ABAT: variants seen among roughly 807,000 people sequenced by gnomAD.
ABAT encodes 4-aminobutyrate aminotransferase.
ABAT carries 45 observed loss-of-function variants against 64.6 expected under a neutral mutation model. That is an observed-to-expected ratio of 0.70 (90% CI 0.55 to 0.89). The LOEUF is 0.89. ABAT is among the 40% of genes least tolerant of loss of function. ABAT has a pLI of 0.00. For synonymous variants in ABAT, 297 were observed against 250.5 expected (o/e 1.19, Z -1.75); for missense variants, 633 against 658.4 (o/e 0.96, Z 0.42).
At position 8,772,809 on chromosome 16, in the gene ABAT, A is replaced by T; in HGVS notation, c.846A>T (p.Lys282Asn). The change falls in exon 12 of 16, where the codon AAA (lysine) becomes AAT (asparagine). Residue 282 changes from lysine (K) to asparagine (N), a missense_variant. Lys to Asn is a moderately conservative substitution (Grantham distance 94). Transcript: ENST00000268251. ...EVEDLIVKYRKKKKTVAGIIV... is the reference protein window; with the variant it reads ...EVEDLIVKYRNKKKTVAGIIV... ...AGGATCTGATTGTGAAATATCGGAA[A>T]AAGAAGAAGACGGTGGCCGGGATCA... is the stretch of plus-strand genomic sequence containing the variant. 6.2e-7 allele frequency: 1 copy of T among 1,614,126 alleles called. No homozygotes were observed. The highest frequency in any genetic ancestry group is 8.5e-7 in the Non-Finnish European group (1 of 1,180,026).
intron 2 of ABAT, 114 bp downstream of exon 2, chr16:8,735,923 C>T (rs1479098800): frequency 1.1e-6 from 1 of 878,734 alleles, no homozygotes; most frequent in African/African-American, 1.7e-5. Context: ...GTGAGTGTTT[C>T]TGGGACTGTC....
chr16:8,710,776 GAACT>G (rs1423324017), intron 1 of ABAT, among the ~76,000 whole-genome samples: 1 of 148,862 alleles, frequency 6.7e-6, no homozygotes, highest in African/African-American at 2.5e-5. Flanking sequence ...GCAGGAACTA[GAACT>G]AGGCCTTCTT....
intron 11 of ABAT, among the ~76,000 whole-genome samples, chr16:8,769,578 A>G (rs7206089): frequency 0.32 from 39,401 of 123,792 alleles, 6,641 homozygotes; most frequent in East Asian, 0.46. Flanking sequence ...AAAAAAAAAA[A>G]AGAGAGAGAG....
At chr16:8,726,262 C>CTTTTTTTTTT (rs71152921) in intron 1 of ABAT, among the ~76,000 whole-genome samples, 14 of 120,808 alleles carry the variant, frequency 1.2e-4, no homozygotes, top group Non-Finnish European at 1.7e-4. Context: ...ATGACTAGAT[C>CTTTTTTTTTT]TTTTTTTTTT....
chr16:8,739,146 G>A (rs1259199624), intron 2 of ABAT, among the ~76,000 whole-genome samples: 1 of 152,182 alleles, frequency 6.6e-6, no homozygotes, highest in Admixed American at 6.5e-5. Flanking sequence ...TAAGGATGTG[G>A]CAGTGAAGAA....
intron 14 of ABAT, among the ~76,000 whole-genome samples, chr16:8,777,198 C>T (rs540514080): frequency 1.4e-4 from 21 of 152,276 alleles, no homozygotes; most frequent in Admixed American, 5.9e-4. Flanking sequence ...CCACCGTGCC[C>T]GGCCCTGGTT....
intron 1 of ABAT, among the ~76,000 whole-genome samples, chr16:8,695,941 C>G (rs563912634): frequency 7.9e-5 from 12 of 152,320 alleles, no homozygotes; most frequent in Admixed American, 3.3e-4. Context: ...CTGATTGGGT[C>G]TAAACCAAGT....
At chr16:8,741,365 C>T (rs2059157616) in intron 2 of ABAT, among the ~76,000 whole-genome samples, 1 of 152,228 alleles carries the variant, frequency 6.6e-6, no homozygotes, top group Non-Finnish European at 1.5e-5. Flanking sequence ...CAGTTCCATT[C>T]ATAGCTTCTA....
At chr16:8,696,004 C>G (rs1052685571) in intron 1 of ABAT, among the ~76,000 whole-genome samples, 1 of 152,214 alleles carries the variant, frequency 6.6e-6, no homozygotes, top group African/African-American at 2.4e-5. Flanking sequence ...AAGAAGGCGT[C>G]CAGCCTCCAG....
intron 1 of ABAT, among the ~76,000 whole-genome samples, chr16:8,730,490 C>T (rs560606209): frequency 1.1e-4 from 16 of 152,288 alleles, no homozygotes; most frequent in Admixed American, 7.8e-4. Flanking sequence ...ACTCTGAACC[C>T]GCCTGTCATT....
intron 1 of ABAT, among the ~76,000 whole-genome samples, chr16:8,707,140 C>G (rs1251171107): frequency 1.3e-5 from 2 of 152,126 alleles, no homozygotes; most frequent in Non-Finnish European, 1.5e-5. Context: ...ATGACTCTCT[C>G]CCTGTGCTAG....
At chr16:8,753,279 T>C (rs2059545915) in intron 5 of ABAT, among the ~76,000 whole-genome samples, 1 of 152,022 alleles carries the variant, frequency 6.6e-6, no homozygotes, top group Non-Finnish European at 1.5e-5. Flanking sequence ...GTATTTTTAG[T>C]AGAGACGGGG....
At chr16:8,744,421 G>A (rs1325036382) in intron 2 of ABAT, among the ~76,000 whole-genome samples, 1 of 151,932 alleles carries the variant, frequency 6.6e-6, no homozygotes, top group East Asian at 2.0e-4. Context: ...AGTCTGAAGT[G>A]CAGTGGCACA....
chr16:8,691,048 GAA>G (rs34531177), intron 1 of ABAT, among the ~76,000 whole-genome samples: 60 of 146,734 alleles, frequency 4.1e-4, no homozygotes, highest in African/African-American at 1.4e-3. Context: ...TGTGTTGGGG[GAA>G]AAAAAAAAAC....
chr16:8,699,790 A>G (rs2057779182), intron 1 of ABAT, among the ~76,000 whole-genome samples: 1 of 148,780 alleles, frequency 6.7e-6, no homozygotes, highest in African/African-American at 2.5e-5. Flanking sequence ...GGTGCAGTGA[A>G]TATTTCCTCT....
intron 1 of ABAT, among the ~76,000 whole-genome samples, chr16:8,719,230 A>T (rs2058296686): frequency 1.3e-5 from 2 of 152,146 alleles, no homozygotes; most frequent in African/African-American, 4.8e-5. Context: ...TACAAGCCGG[A>T]CCTTCTGTGG....
intron 14 of ABAT, among the ~76,000 whole-genome samples, chr16:8,777,189 C>T (rs2060291121): frequency 6.6e-6 from 1 of 152,208 alleles, no homozygotes. Context: ...GAGCATGGGC[C>T]ACCGTGCCCG....
rs992977390 is a variant in ABAT at position 8,722,761 on chromosome 16, C to A, written c.-41-12938C>A. ...CCAGGAATCCTTCACCTGCTTCTTT[C>A]CCCAGATGCGCCCATCCAGGGTCTA... On this transcript the variant is annotated intron_variant, in intron 1 of 15. Coordinates refer to ENST00000268251, the MANE Select transcript of ABAT (RefSeq NM_020686.6). The A allele has an allele frequency of 8.8e-6, 11 of 1,252,702 alleles. No individual in the cohort carries two copies. In the South Asian group the frequency reaches 1.1e-4, roughly 13 times the overall value. 77.6% of individuals were successfully genotyped at this position (1,252,702 alleles called of 1,614,324 possible).
chr16:8,711,712 A>ATGGATGGGTGGATGGATGGG (rs2058073893), intron 1 of ABAT, among the ~76,000 whole-genome samples: 1 of 66,204 alleles, frequency 1.5e-5, no homozygotes, highest in African/African-American at 4.0e-5. Flanking sequence ...GGATGGATGG[A>ATGGATGGGTGGATGGATGGG]TGGATGGATG....
Sources: gnomAD v4.1 joint callset for allele counts (sites outside exome capture counted in the v4.1 genomes callset) on GRCh38, gnomAD v4.1.1 for gene constraint, MANE v1.5 for transcripts, NCBI Gene and HGNC (gene_info 2026-07-23, HGNC 2026-07-21) for gene names.